DNAJC15: variants seen among roughly 807,000 people sequenced by gnomAD.
DNAJC15 encodes the protein DnaJ heat shock protein family (Hsp40) member C15.
DNAJC15 carries 27 observed loss-of-function variants against 22.4 expected under a neutral mutation model. The ratio of observed to expected loss-of-function variants is 1.20; its 90% CI spans 0.89 to 1.66. The LOEUF (loss-of-function observed/expected upper bound fraction) is 1.66. Among genes scored for constraint, DNAJC15 ranks in the 40% most tolerant of loss-of-function variants. The pLI is 0.00. For missense variants in DNAJC15, 208 were observed against 187.1 expected, an observed-to-expected ratio of 1.11 and a Z score of -0.65; for synonymous variants, 79 against 63.2, an observed-to-expected ratio of 1.25 and a Z score of -1.19.
At chr13:43,027,448 A>G (rs546390442) in intron 1 of DNAJC15, among the ~76,000 whole-genome samples, 1 of 152,304 alleles carries the variant, frequency 6.6e-6, no homozygotes, top group South Asian at 2.1e-4. Context: ...ACATGTAAAA[A>G]AAACTAGACA....
chr13:43,049,375 A>G (rs1290497008), intron 1 of DNAJC15, among the ~76,000 whole-genome samples: 4 of 152,242 alleles, frequency 2.6e-5, no homozygotes, highest in Non-Finnish European at 4.4e-5. Context: ...ACTGGATCAG[A>G]TATGGTGTTG....
At chr13:43,072,563 C>T (rs991180875) in intron 3 of DNAJC15, among the ~76,000 whole-genome samples, 1 of 151,736 alleles carries the variant, frequency 6.6e-6, no homozygotes, top group African/African-American at 2.4e-5. Context: ...ATCTATCCAC[C>T]GAATTCTTCA....
rs1463125612 is a variant in DNAJC15 at position 43,038,611 on chromosome 13, T to C, written c.108+14877T>C. On this transcript the variant is annotated intron_variant, in intron 1 of 5. Transcript: ENST00000379221. ...ATCGAGACCATCCTGGCTAACACAG[T>C]GAAACTCTGTCTCTACTAAAAATAC... Among the ~76,000 whole-genome samples the C allele has an allele frequency of 2.0e-5, 3 of 152,036 alleles. No individual in the cohort carries two copies. The South Asian group carries it at 6.2e-4, about 32-fold the overall frequency.
rs188947435 is a variant in DNAJC15, at chr13:43,109,431, A to G, written c.*2183A>G. 1 of 152,290 alleles carries G rather than the reference A, an allele frequency of 6.6e-6. No homozygotes were observed. Among genetic ancestry groups the G allele is most frequent in the East Asian group, 1.9e-4 (1 of 5,186 alleles). The allele number at this position is 152,290 out of a possible 1,614,324, so 9.4% of individuals were successfully genotyped here. The stretch of plus-strand genomic sequence containing the variant: ...TATGCATCAAAAAATGTTACCACTA[A>G]TTTTTAAAGCTCTGCTAAGGAATAT... On this transcript the variant is annotated 3_prime_UTR_variant, in exon 6 of 6. Coordinates refer to ENST00000379221, the MANE Select transcript of DNAJC15 (RefSeq NM_013238.3).
chr13:43,098,926 A>G (rs1443784257), intron 5 of DNAJC15, among the ~76,000 whole-genome samples: 1 of 152,202 alleles, frequency 6.6e-6, no homozygotes, highest in East Asian at 1.9e-4. Context: ...CAATTTCTAC[A>G]AGGAAATCAG....
At chr13:43,105,061 C>T (rs1254561598) in intron 5 of DNAJC15, among the ~76,000 whole-genome samples, 3 of 151,408 alleles carry the variant, frequency 2.0e-5, no homozygotes, top group Non-Finnish European at 4.4e-5. Context: ...TCACTGCCAG[C>T]AACTAGATAT....
At chr13:43,052,579 G>C (rs2040510502) in intron 1 of DNAJC15, among the ~76,000 whole-genome samples, 1 of 151,836 alleles carries the variant, frequency 6.6e-6, no homozygotes, top group Non-Finnish European at 1.5e-5. Flanking sequence ...ACTACACCTG[G>C]CTAATTTTTG....
At chr13:43,056,605 A>G (rs1174588912) in intron 1 of DNAJC15, among the ~76,000 whole-genome samples, 2 of 152,146 alleles carry the variant, frequency 1.3e-5, no homozygotes, top group Admixed American at 6.5e-5. Flanking sequence ...TAACCTGTCT[A>G]GTGCTGTCAG....
In DNAJC15 at chr13:43,066,899, G is replaced by A. The variant is rs182322554; in HGVS notation, c.160+1162G>A. Among the ~76,000 whole-genome samples the A allele has an allele frequency of 2.8e-4, 43 of 152,314 alleles. No individual in the cohort carries two copies. In the East Asian group the frequency reaches 3.9e-3, roughly 14 times the overall value. ...CTCCTAAAGGGCTGGGATTACAGGC[G>A]TGAGCCACCGTGCCCGGCCCATTCG... On this transcript the variant is annotated intron_variant, in intron 2 of 5. Transcript: ENST00000379221.
rs1413631764 is a variant in DNAJC15, at chr13:43,084,430, AC to A, written c.312-1337del. Among the ~76,000 whole-genome samples, 156 of 152,318 alleles carry A rather than the reference AC, an allele frequency of 1.0e-3. 1 individual carries two copies. The highest frequency in any genetic ancestry group is 3.5e-3 in the African/African-American group (146 of 41,574). ...CTGAGTTTAAGCAAGACATACTTTC[AC>A]AGCTAATAAGTAGTGGAATCAAGAA... is the stretch of plus-strand genomic sequence containing the variant. On this transcript the variant is annotated intron_variant, in intron 4 of 5. Transcript: ENST00000379221.
At chr13:43,073,068 G>A (rs1266106929) in intron 3 of DNAJC15, among the ~76,000 whole-genome samples, 4 of 152,086 alleles carry the variant, frequency 2.6e-5, no homozygotes, top group Admixed American at 6.5e-5. Flanking sequence ...TCCCCTCCAT[G>A]ATAATTGGGT....
intron 1 of DNAJC15, among the ~76,000 whole-genome samples, chr13:43,055,293 C>G (rs1053617170): frequency 3.3e-5 from 5 of 152,036 alleles, no homozygotes; most frequent in African/African-American, 1.2e-4. Flanking sequence ...CCAACTAAAT[C>G]GTCAGGCCCT....
intron 4 of DNAJC15, among the ~76,000 whole-genome samples, chr13:43,084,620 A>C (rs903064418): frequency 3.9e-5 from 6 of 152,214 alleles, no homozygotes; most frequent in African/African-American, 1.4e-4. Context: ...AGTAGCTTAA[A>C]CAAGATAGTA....
rs1422543660 is a variant in DNAJC15 at position 43,113,373 on chromosome 13, G to A, written c.*6125G>A. The A allele has an allele frequency of 6.6e-6, 1 of 152,060 alleles. No individual in the cohort carries two copies. Among genetic ancestry groups the A allele is most frequent in the Non-Finnish European group, 1.5e-5 (1 of 68,008 alleles). The allele number at this position is 152,060 out of a possible 1,614,324, so 9.4% of individuals were successfully genotyped here. A position where few individuals can be genotyped will look rare whatever the true frequency, so the allele number is the denominator to read the frequency against. Reference sequence around the variant, plus strand: ...CTGTTTATTTTCAATTTTGAACAGGGTTATTTGTCCATGCCATACTTTTTT... The same window carrying A: ...CTGTTTATTTTCAATTTTGAACAGGATTATTTGTCCATGCCATACTTTTTT... On this transcript the variant is annotated 3_prime_UTR_variant, in exon 6 of 6. Transcript: ENST00000379221.
chr13:43,089,128 A>C (rs1309078964), intron 5 of DNAJC15, among the ~76,000 whole-genome samples: 1 of 152,234 alleles, frequency 6.6e-6, no homozygotes, highest in Non-Finnish European at 1.5e-5. Context: ...AAAACAAGGC[A>C]AACACTTGGT....
chr13:43,030,814 G>A (rs2040401120), intron 1 of DNAJC15, among the ~76,000 whole-genome samples: 1 of 152,158 alleles, frequency 6.6e-6, no homozygotes, highest in African/African-American at 2.4e-5. Context: ...GGGGTAGGTT[G>A]CAGATACTTA....
At chr13:43,095,967 A>G (rs1379477564) in intron 5 of DNAJC15, among the ~76,000 whole-genome samples, 1 of 152,184 alleles carries the variant, frequency 6.6e-6, no homozygotes, top group Non-Finnish European at 1.5e-5. Flanking sequence ...TATTGTCTGC[A>G]ACAGAGGGAT....
intron 5 of DNAJC15, among the ~76,000 whole-genome samples, chr13:43,090,287 T>A (rs1352623286): frequency 6.6e-6 from 1 of 152,216 alleles, no homozygotes; most frequent in Non-Finnish European, 1.5e-5. Flanking sequence ...TTTACCTTGT[T>A]TGAGCATGGT....
chr13:43,068,982 T>C lies in DNAJC15; in HGVS notation c.213T>C (p.Thr71=), dbSNP rs748266523. Residue 71 remains threonine, a synonymous_variant, in exon 3 of 6, where the codon ACT becomes ACC. Transcript: ENST00000379221. ...WKPLEQVITE[T]AKKISTPSFS... Reference sequence around the variant, plus strand: ...CTCTAGAACAAGTTATCACAGAAACTGCAAAGAAGATTTCAACTCCTGTAA... The same window carrying C: ...CTCTAGAACAAGTTATCACAGAAACCGCAAAGAAGATTTCAACTCCTGTAA... 12 of 1,612,696 alleles carry C rather than the reference T, an allele frequency of 7.4e-6. No individual in the cohort carries two copies. Among genetic ancestry groups the C allele is most frequent in the African/African-American group, 1.3e-5 (1 of 74,908 alleles).
Sources: allele counts gnomAD v4.1 joint callset (sites outside exome capture counted in the v4.1 genomes callset), GRCh38; gene constraint gnomAD v4.1.1; transcripts MANE v1.5; gene names NCBI Gene and HGNC (gene_info 2026-07-23, HGNC 2026-07-21).